The following AGBL1 variants were observed in gnomAD, a reference collection of about 807,000 sequenced individuals.
The protein encoded by AGBL1 is AGBL carboxypeptidase 1, also known as cytosolic carboxypeptidase 4.
Under a neutral mutation model 118.9 loss-of-function variants are expected in AGBL1, and 130 were observed. The observed-to-expected ratio is 1.09, with a 90% CI of 0.95 to 1.26. The LOEUF is 1.26. Ranked by LOEUF, AGBL1 falls within the 50% of genes most tolerant of loss-of-function variation. AGBL1 has a pLI of 0.00. For missense variants in AGBL1, 1,584 were observed against 1,298.1 expected (o/e 1.22, Z -3.38); for synonymous variants, 555 against 478.9 (o/e 1.16, Z -2.08).
chr15:86,556,250 A>C (rs8027697), intron 21 of AGBL1: 1 of 1,613,342 alleles, frequency 6.2e-7, no homozygotes, highest in African/African-American at 1.3e-5. Context: ...GGAGAGGACA[A>C]AGAATGAAAG....
intron 15 of AGBL1, among the ~76,000 whole-genome samples, chr15:86,277,027 G>T (rs543641761): frequency 1.3e-5 from 2 of 152,326 alleles, no homozygotes; most frequent in Non-Finnish European, 2.9e-5. Context: ...GCTGCCAGGA[G>T]AGTCCAGTGG....
intron 17 of AGBL1, among the ~76,000 whole-genome samples, chr15:86,362,864 G>A (rs940863430): frequency 1.3e-5 from 2 of 152,236 alleles, no homozygotes; most frequent in African/African-American, 4.8e-5. Context: ...TGGGTGGGCA[G>A]GACTGCTTCT....
intron 17 of AGBL1, among the ~76,000 whole-genome samples, chr15:86,389,020 G>A (rs2081238445): frequency 6.6e-6 from 1 of 152,132 alleles, no homozygotes; most frequent in African/African-American, 2.4e-5. Flanking sequence ...TTATTTTGCA[G>A]TATTGAGAAA....
intron 21 of AGBL1, among the ~76,000 whole-genome samples, chr15:86,578,856 T>C (rs138380047): frequency 6.6e-6 from 1 of 152,190 alleles, no homozygotes; most frequent in Non-Finnish European, 1.5e-5. Context: ...ACAAACCTCT[T>C]TCTTTTGAAA....
At chr15:86,963,256 A>G (rs903087304) in intron 23 of AGBL1, among the ~76,000 whole-genome samples, 1 of 152,134 alleles carries the variant, frequency 6.6e-6, no homozygotes, top group Non-Finnish European at 1.5e-5. Flanking sequence ...ATTTAATGGC[A>G]TGAATGTGCC....
intron 22 of AGBL1, among the ~76,000 whole-genome samples, chr15:86,850,227 A>G (rs1321123092): frequency 1.1e-4 from 5 of 44,982 alleles, no homozygotes; most frequent in African/African-American, 1.8e-4. Flanking sequence ...GATAAGTAGC[A>G]AGATGTCACA....
At chr15:86,132,606 G>A (rs2076834407) in intron 1 of AGBL1, among the ~76,000 whole-genome samples, 2 of 152,190 alleles carry the variant, frequency 1.3e-5, no homozygotes, top group African/African-American at 4.8e-5. Context: ...TAGAAATAGA[G>A]ATGGAGCCTG....
At chr15:86,557,778 G>T (rs1459497525) in intron 21 of AGBL1, among the ~76,000 whole-genome samples, 9 of 152,058 alleles carry the variant, frequency 5.9e-5, no homozygotes, top group Non-Finnish European at 1.3e-4. Flanking sequence ...ATAGTATAAA[G>T]TAGGTATTAA....
intron 23 of AGBL1, among the ~76,000 whole-genome samples, chr15:86,970,448 G>A (rs2081095550): frequency 6.6e-6 from 1 of 151,798 alleles, no homozygotes; most frequent in Non-Finnish European, 1.5e-5. Context: ...ATAACCATTG[G>A]TTGAAGTCTA....
intron 17 of AGBL1, chr15:86,305,177 C>T (rs1401732760): frequency 1.3e-5 from 2 of 152,200 alleles, no homozygotes; most frequent in Non-Finnish European, 2.9e-5. Context: ...GTTCCCCAAA[C>T]TCAGGATATA....
At chr15:86,085,280 C>T (rs1895565252) in intron 1 of AGBL1, among the ~76,000 whole-genome samples, 1 of 152,086 alleles carries the variant, frequency 6.6e-6, no homozygotes, top group Non-Finnish European at 1.5e-5. Context: ...AGGAGGGTGC[C>T]TAGTGATCTT....
At chr15:86,529,503 C>T (rs1429612763) in intron 19 of AGBL1, among the ~76,000 whole-genome samples, 74 of 134,068 alleles carry the variant, frequency 5.5e-4, no homozygotes, top group African/African-American at 2.1e-3. Context: ...GAAAGTGATG[C>T]GGAGAATGGA....
intron 18 of AGBL1, among the ~76,000 whole-genome samples, chr15:86,466,093 G>C (rs1416144922): frequency 1.3e-5 from 2 of 152,130 alleles, no homozygotes; most frequent in East Asian, 1.9e-4. Context: ...CCGACACTTA[G>C]GGAAAATAGA....
chr15:86,857,735 G>A (rs2079503897), intron 22 of AGBL1, among the ~76,000 whole-genome samples: 1 of 152,166 alleles, frequency 6.6e-6, no homozygotes, highest in Non-Finnish European at 1.5e-5. Context: ...CAAGGACGGT[G>A]TCCGTCTCAT....
intron 21 of AGBL1, among the ~76,000 whole-genome samples, chr15:86,636,127 T>C (rs996491041): frequency 2.0e-5 from 3 of 152,140 alleles, no homozygotes; most frequent in Admixed American, 6.6e-5. Context: ...AGGGGAAATA[T>C]GATGGAGGGG....
At chr15:86,639,111 G>A (rs1467433183) in intron 21 of AGBL1, among the ~76,000 whole-genome samples, 2 of 152,136 alleles carry the variant, frequency 1.3e-5, no homozygotes, top group African/African-American at 2.4e-5. Flanking sequence ...TCAGTCTTCT[G>A]CTACTTAACC....
chr15:86,663,859 AAC>A (rs2085592444), intron 21 of AGBL1, among the ~76,000 whole-genome samples: 1 of 152,138 alleles, frequency 6.6e-6, no homozygotes, highest in Non-Finnish European at 1.5e-5. Flanking sequence ...ATCCGAAAAA[AAC>A]AGAGTTTGGC....
At chr15:86,355,484 T>C (rs2080699173) in intron 17 of AGBL1, among the ~76,000 whole-genome samples, 1 of 152,208 alleles carries the variant, frequency 6.6e-6, no homozygotes, top group South Asian at 2.1e-4. Flanking sequence ...GAAATTATCA[T>C]ACTATCTGCT....
intron 22 of AGBL1, among the ~76,000 whole-genome samples, chr15:86,838,721 C>T (rs977265327): frequency 2.0e-5 from 3 of 151,850 alleles, no homozygotes; most frequent in Admixed American, 2.0e-4. Flanking sequence ...AGAAAGACTG[C>T]TTGAGCCCGG....
Sources: gnomAD v4.1 joint callset for allele counts (sites outside exome capture counted in the v4.1 genomes callset) on GRCh38, gnomAD v4.1.1 for gene constraint, MANE v1.5 for transcripts, NCBI Gene and HGNC (gene_info 2026-07-23, HGNC 2026-07-21) for gene names.